Variants in L3MBTL4 observed in about 807,000 individuals in gnomAD.
L3MBTL4 encodes lethal(3)malignant brain tumor-like protein 4.
In L3MBTL4, 70 loss-of-function variants were observed where a neutral mutation model predicts 84.5. That is an observed-to-expected ratio of 0.83 (90% CI 0.68 to 1.01). The LOEUF (loss-of-function observed/expected upper bound fraction) is 1.01. L3MBTL4 is among the 50% of genes least tolerant of loss of function. The probability of loss-of-function intolerance (pLI) is 0.00; values close to 1 mark genes in which losing one functional copy is unlikely to be tolerated. For missense variants in L3MBTL4, 715 were observed against 754.8 expected (o/e 0.95, Z 0.62); for synonymous variants, 274 against 259.8 (o/e 1.05, Z -0.52).
chr18:6,133,266 C>CA (rs2059927903), intron 14 of L3MBTL4, among the ~76,000 whole-genome samples: 1 of 151,878 alleles, frequency 6.6e-6, no homozygotes, highest in Non-Finnish European at 1.5e-5. Context: ...GAAATATGGC[C>CA]AAGCGTGTGT....
At chr18:6,347,737 T>G (rs1041090457) in intron 1 of L3MBTL4, among the ~76,000 whole-genome samples, 2 of 151,940 alleles carry the variant, frequency 1.3e-5, no homozygotes, top group Non-Finnish European at 2.9e-5. Context: ...TATTGACAGC[T>G]TTTCTTCTGA....
intron 1 of L3MBTL4, among the ~76,000 whole-genome samples, chr18:6,373,888 T>C (rs1419346355): frequency 1.3e-5 from 2 of 152,354 alleles, no homozygotes; most frequent in Admixed American, 6.5e-5. Flanking sequence ...TTATTTTGTT[T>C]TGTTTTGTTT....
chr18:6,055,686 G>A (rs1343609158), intron 16 of L3MBTL4, among the ~76,000 whole-genome samples: 1 of 152,096 alleles, frequency 6.6e-6, no homozygotes, highest in Non-Finnish European at 1.5e-5. Flanking sequence ...AATATAATAA[G>A]GAAACAATTA....
At chr18:6,125,971 T>C (rs1448270998) in intron 14 of L3MBTL4, among the ~76,000 whole-genome samples, 2 of 152,182 alleles carry the variant, frequency 1.3e-5, no homozygotes, top group Non-Finnish European at 2.9e-5. Flanking sequence ...CAAAATAATA[T>C]GTGGACCAAT....
At chr18:6,038,382 T>C (rs1305017403) in intron 16 of L3MBTL4, among the ~76,000 whole-genome samples, 1 of 150,978 alleles carries the variant, frequency 6.6e-6, no homozygotes, top group Non-Finnish European at 1.5e-5. Flanking sequence ...GCCTCCGGAG[T>C]AGTTGGGACT....
intron 3 of L3MBTL4, among the ~76,000 whole-genome samples, chr18:6,303,122 T>G (rs2050417146): frequency 6.6e-6 from 1 of 152,128 alleles, no homozygotes; most frequent in Non-Finnish European, 1.5e-5. Flanking sequence ...AATAGTTTTT[T>G]GGGGTTTTTT....
chr18:6,035,354 G>A (rs2056076179), intron 16 of L3MBTL4, among the ~76,000 whole-genome samples: 2 of 152,142 alleles, frequency 1.3e-5, no homozygotes, highest in African/African-American at 4.8e-5. Context: ...TCCAGTTTCA[G>A]CTTTGTACAT....
At chr18:6,017,409 G>A (rs2055044147) in intron 16 of L3MBTL4, among the ~76,000 whole-genome samples, 1 of 152,184 alleles carries the variant, frequency 6.6e-6, no homozygotes, top group Non-Finnish European at 1.5e-5. Context: ...AGCAGCAGCT[G>A]TGGAATTTTA....
At chr18:6,202,180 T>C (rs1401050319) in intron 12 of L3MBTL4, among the ~76,000 whole-genome samples, 1 of 152,220 alleles carries the variant, frequency 6.6e-6, no homozygotes, top group Non-Finnish European at 1.5e-5. Context: ...CCGTAAATCA[T>C]CTCTGACCAT....
intron 8 of L3MBTL4, among the ~76,000 whole-genome samples, chr18:6,240,682 A>G (rs1740969458): frequency 6.6e-6 from 1 of 152,168 alleles, no homozygotes; most frequent in African/African-American, 2.4e-5. Context: ...TTTTACAGCA[A>G]CTTCACGTTT....
At chr18:6,039,420 C>T (rs1449549430) in intron 16 of L3MBTL4, among the ~76,000 whole-genome samples, 1 of 152,082 alleles carries the variant, frequency 6.6e-6, no homozygotes, top group Non-Finnish European at 1.5e-5. Context: ...GGACTATTCA[C>T]CCCAATCCCT....
At chr18:6,250,869 T>C (rs1359213941) in intron 5 of L3MBTL4, among the ~76,000 whole-genome samples, 1 of 152,244 alleles carries the variant, frequency 6.6e-6, no homozygotes, top group Non-Finnish European at 1.5e-5. Flanking sequence ...ATGGTTTATC[T>C]CAGCAACATC....
intron 1 of L3MBTL4, among the ~76,000 whole-genome samples, chr18:6,393,830 C>T (rs961571296): frequency 2.0e-5 from 3 of 152,188 alleles, no homozygotes; most frequent in Non-Finnish European, 4.4e-5. Flanking sequence ...CTAGGTCCAT[C>T]CCTGTCAACC....
chr18:6,380,405 T>C (rs1441360241), intron 1 of L3MBTL4, among the ~76,000 whole-genome samples: 1 of 152,236 alleles, frequency 6.6e-6, no homozygotes, highest in Non-Finnish European at 1.5e-5. Flanking sequence ...TTAATTTTGA[T>C]GTTAGGGTGT....
At chr18:6,171,431 T>A (rs1432640187) in intron 13 of L3MBTL4, among the ~76,000 whole-genome samples, 1 of 152,190 alleles carries the variant, frequency 6.6e-6, no homozygotes, top group East Asian at 1.9e-4. Flanking sequence ...TTGTTGGAAG[T>A]TAAAATATTT....
At chr18:6,396,786 T>C (rs2055290420) in intron 1 of L3MBTL4, 1 of 152,246 alleles carries the variant, frequency 6.6e-6, no homozygotes. Context: ...TAACAGTAGC[T>C]ATCTTCATAC....
intron 1 of L3MBTL4, chr18:6,396,055 AT>A (rs1306720734): frequency 1.3e-5 from 2 of 152,224 alleles, no homozygotes; most frequent in African/African-American, 4.8e-5. Context: ...GAGAAAAAAA[AT>A]AAGAAAGAAA....
chr18:6,102,094 T>G (rs1403334384), intron 14 of L3MBTL4, among the ~76,000 whole-genome samples: 1 of 152,250 alleles, frequency 6.6e-6, no homozygotes, highest in African/African-American at 2.4e-5. Context: ...TATATCCATC[T>G]TCTCTACTAT....
At chr18:6,297,130 A>G (rs532970060) in intron 4 of L3MBTL4, among the ~76,000 whole-genome samples, 1 of 152,320 alleles carries the variant, frequency 6.6e-6, no homozygotes, top group East Asian at 1.9e-4. Context: ...CTGGTGAGCT[A>G]CACAAGAATA....
Sources: allele counts gnomAD v4.1 joint callset (sites outside exome capture counted in the v4.1 genomes callset), GRCh38; gene constraint gnomAD v4.1.1; transcripts MANE v1.5; gene names NCBI Gene and HGNC (gene_info 2026-07-23, HGNC 2026-07-21).